Variants in NAV3 observed in about 807,000 individuals in gnomAD.
NAV3 encodes the protein pore membrane and/or filament interacting like protein 1.
NAV3 carries 87 observed loss-of-function variants against 244.7 expected under a neutral mutation model. The ratio of observed to expected loss-of-function variants is 0.36; its 90% CI spans 0.30 to 0.42. The LOEUF (loss-of-function observed/expected upper bound fraction) is 0.42, where lower values mean the gene tolerates loss of function less well. Among genes scored for constraint, NAV3 ranks in the 20% least tolerant of loss-of-function variants. The probability of loss-of-function intolerance (pLI) is 1.00; values close to 1 mark genes in which losing one functional copy is unlikely to be tolerated. For missense variants in NAV3, 2,663 were observed against 2,893.3 expected, an observed-to-expected ratio of 0.92 and a Z score of 1.83; for synonymous variants, 1,126 against 1,042.2, an observed-to-expected ratio of 1.08 and a Z score of -1.55.
intron 11 of NAV3, among the ~76,000 whole-genome samples, chr12:78,057,993 T>G (rs1883767917): frequency 6.6e-6 from 1 of 152,234 alleles, no homozygotes; most frequent in Non-Finnish European, 1.5e-5. Flanking sequence ...GTAAGGGGCA[T>G]TTTTAAATGT....
At chr12:78,010,955 C>G (rs955221308) in intron 8 of NAV3, 2 of 151,932 alleles carry the variant, frequency 1.3e-5, no homozygotes, top group Non-Finnish European at 2.9e-5. Flanking sequence ...AATAGATTTC[C>G]TATTAGCCTA....
Position 77,799,848 on chromosome 12 carries a change from A to G in NAV3, c.73-140471A>G, listed in dbSNP as rs529400940. On this transcript the variant is annotated intron_variant, in intron 2 of 8. Coordinates refer to the NAV3 transcript ENST00000550042. ...TATATCTTTACATATGTATATATAT[A>G]AAATATTCAATAACGATATGTAGTT... Among the ~76,000 whole-genome samples the G allele has an allele frequency of 2.0e-3, 307 of 152,272 alleles. 1 individual carries two copies. The highest frequency in any genetic ancestry group is 3.5e-3 in the Non-Finnish European group (237 of 68,024).
chr12:77,732,971 G>A (rs1877189043), intron 2 of NAV3, among the ~76,000 whole-genome samples: 1 of 152,070 alleles, frequency 6.6e-6, no homozygotes, highest in Admixed American at 6.6e-5. Context: ...ACTGGTTCAT[G>A]AAGAGCCTTG....
chr12:78,058,579 C>A (rs1883859828), intron 11 of NAV3, among the ~76,000 whole-genome samples: 1 of 152,060 alleles, frequency 6.6e-6, no homozygotes, highest in Non-Finnish European at 1.5e-5. Flanking sequence ...AGGAAGATGG[C>A]AGATATGGTG....
In NAV3 at chr12:77,854,976, A is replaced by G. The variant is rs570018023; in HGVS notation, c.243+23272A>G. Among the ~76,000 whole-genome samples the G allele has an allele frequency of 2.6e-5, 4 of 152,066 alleles. 1 individual carries two copies. The East Asian group carries it at 7.8e-4, about 30-fold the overall frequency. ...CCCCGTCTCTACTAAAAATACAAAA[A>G]ATTAGCTGGGCGTGGTGGCGGGCGC... On this transcript the variant is annotated intron_variant, in intron 1 of 39. Coordinates refer to ENST00000397909, the MANE Select transcript of NAV3 (RefSeq NM_001024383.2).
intron 1 of NAV3, among the ~76,000 whole-genome samples, chr12:77,923,387 G>C (rs1052012911): frequency 6.6e-6 from 1 of 152,048 alleles, no homozygotes; most frequent in South Asian, 2.1e-4. Context: ...AAATAGGAGA[G>C]AGAGAGCTAG....
At chr12:77,822,283 T>C (rs922548580) in intron 2 of NAV3, among the ~76,000 whole-genome samples, 4 of 152,198 alleles carry the variant, frequency 2.6e-5, no homozygotes, top group African/African-American at 9.6e-5. Context: ...ATTGTGTGCA[T>C]TCTTTAAAAA....
intron 18 of NAV3, among the ~76,000 whole-genome samples, chr12:78,131,878 T>A (rs746855936): frequency 1.2e-4 from 19 of 152,144 alleles, no homozygotes; most frequent in Admixed American, 3.3e-4. Flanking sequence ...GATCATAGAG[T>A]AGCATTCATC....
intron 1 of NAV3, among the ~76,000 whole-genome samples, chr12:77,838,237 G>C (rs760276004): frequency 6.6e-6 from 1 of 152,110 alleles, no homozygotes; most frequent in Admixed American, 6.5e-5. Flanking sequence ...AACAATGGTC[G>C]GAGAATGTTG....
rs1232105924 is a variant in NAV3, at chr12:77,699,291, A to G, written c.72+127025A>G. On this transcript the variant is annotated intron_variant, in intron 2 of 8. Transcript: ENST00000550042. ...AACAGACGTTTGTGCGTTATTCTCA[A>G]TGCCCTGGTTCTCACAAGTGCCTAT... Among the ~76,000 whole-genome samples the G allele has an allele frequency of 3.3e-5, 5 of 152,256 alleles. No individual in the cohort carries two copies. In the East Asian group the frequency reaches 5.8e-4, roughly 18 times the overall value.
intron 1 of NAV3, among the ~76,000 whole-genome samples, chr12:77,911,945 G>T (rs552548172): frequency 6.6e-6 from 1 of 152,116 alleles, no homozygotes; most frequent in South Asian, 2.1e-4. Flanking sequence ...TTTAAATCAA[G>T]CCTTTACCTC....
chr12:78,099,308 G>A (rs1309602876), intron 12 of NAV3, among the ~76,000 whole-genome samples: 2 of 151,410 alleles, frequency 1.3e-5, no homozygotes, highest in Admixed American at 6.6e-5. Context: ...TAATTATAAG[G>A]TAATATGAAG....
intron 12 of NAV3, among the ~76,000 whole-genome samples, chr12:78,103,886 T>C (rs1954666484): frequency 6.6e-6 from 1 of 152,212 alleles, no homozygotes; most frequent in African/African-American, 2.4e-5. Flanking sequence ...AAGATGAGAT[T>C]TGGGTAGGGA....
chr12:77,645,420 G>C (rs934704670), intron 2 of NAV3, among the ~76,000 whole-genome samples: 1 of 118,784 alleles, frequency 8.4e-6, no homozygotes, highest in South Asian at 2.4e-4. Context: ...CAGTGTAAGA[G>C]GGTGAGATTT....
intron 2 of NAV3, among the ~76,000 whole-genome samples, chr12:77,732,985 T>TA (rs1426890869): frequency 3.9e-5 from 6 of 152,014 alleles, no homozygotes; most frequent in African/African-American, 1.4e-4. Context: ...AGCCTTGTCA[T>TA]AGTGAAGACC....
intron 1 of NAV3, among the ~76,000 whole-genome samples, chr12:77,868,727 GC>G (rs1471655889): frequency 7.1e-6 from 1 of 140,394 alleles, no homozygotes; most frequent in African/African-American, 2.7e-5. Flanking sequence ...CTGCACTCCA[GC>G]CTGGGTGACA....
At chr12:78,182,581 A>C (rs1958545492) in intron 30 of NAV3, among the ~76,000 whole-genome samples, 2 of 152,006 alleles carry the variant, frequency 1.3e-5, no homozygotes, top group South Asian at 4.1e-4. Context: ...GTATCTAGGA[A>C]AAATAGAACT....
chr12:77,695,040 A>G (rs1875231793), intron 2 of NAV3, among the ~76,000 whole-genome samples: 1 of 152,206 alleles, frequency 6.6e-6, no homozygotes, highest in South Asian at 2.1e-4. Flanking sequence ...AGCTGCTCTA[A>G]GAACTTTATA....
intron 2 of NAV3, among the ~76,000 whole-genome samples, chr12:77,748,266 C>T (rs1188695414): frequency 6.6e-6 from 1 of 152,066 alleles, no homozygotes; most frequent in African/African-American, 2.4e-5. Flanking sequence ...ATGGTGGTTC[C>T]TCTATAAAGC....
Sources: gnomAD v4.1 joint callset for allele counts (sites outside exome capture counted in the v4.1 genomes callset) on GRCh38, gnomAD v4.1.1 for gene constraint, MANE v1.5 for transcripts, NCBI Gene and HGNC (gene_info 2026-07-23, HGNC 2026-07-21) for gene names.